The following FNDC3A variants were observed in gnomAD, a reference collection of about 807,000 sequenced individuals.
The protein encoded by FNDC3A is fibronectin type-III domain-containing protein 3A.
FNDC3A carries 32 observed loss-of-function variants against 148.9 expected under a neutral mutation model. The ratio of observed to expected loss-of-function variants is 0.21; its 90% CI spans 0.16 to 0.29. The LOEUF (loss-of-function observed/expected upper bound fraction) is 0.29. Ranked by LOEUF, FNDC3A falls within the 10% of genes least tolerant of loss-of-function variation. The pLI, the probability that FNDC3A is intolerant of heterozygous loss-of-function variation, is 1.00. For synonymous variants in FNDC3A, 472 were observed against 473.6 expected (o/e 1.00, Z 0.04); for missense variants, 1,191 against 1,452.8 (o/e 0.82, Z 2.93).
intron 2 of FNDC3A, among the ~76,000 whole-genome samples, chr13:49,018,563 C>T (rs1359665441): frequency 1.3e-5 from 2 of 152,288 alleles, no homozygotes; most frequent in Non-Finnish European, 2.9e-5. Flanking sequence ...TCCCGTAGCT[C>T]GGAATAATTT....
At chr13:49,125,219 A>G (rs983242963) in intron 4 of FNDC3A, among the ~76,000 whole-genome samples, 5 of 152,166 alleles carry the variant, frequency 3.3e-5, no homozygotes, top group African/African-American at 1.2e-4. Flanking sequence ...CTGATCTCAG[A>G]CTTCTTGCTG....
intron 1 of FNDC3A, among the ~76,000 whole-genome samples, chr13:48,981,556 T>C (rs192799615): frequency 2.3e-4 from 35 of 152,066 alleles, no homozygotes; most frequent in Admixed American, 8.5e-4. Context: ...CCAGTAAACA[T>C]TCAGTTGAGC....
At position 49,075,097 on chromosome 13, in the gene FNDC3A, T is replaced by A. The variant is rs540530000; in HGVS notation, c.100-192T>A. Among the ~76,000 whole-genome samples, 8 of 152,310 alleles carry A rather than the reference T, an allele frequency of 5.3e-5. No individual in the cohort carries two copies. The South Asian group carries it at 1.4e-3, about 28-fold the overall frequency. ...TTCTTCTTTTTTTTATTCCCTTTAC[T>A]TTTGGCTTACGTCTAACCTCCAGAA... On this transcript the variant is annotated intron_variant, in intron 2 of 25. Transcript: ENST00000492622.
At chr13:49,150,517 C>G (rs1466372611) in intron 8 of FNDC3A, among the ~76,000 whole-genome samples, 1 of 151,834 alleles carries the variant, frequency 6.6e-6, no homozygotes. Context: ...TAATTTGTCC[C>G]TCTACCAGTG....
intron 1 of FNDC3A, among the ~76,000 whole-genome samples, chr13:48,991,910 A>G (rs1425159548): frequency 1.3e-5 from 2 of 152,226 alleles, no homozygotes; most frequent in African/African-American, 2.4e-5. Context: ...ACATTATCAT[A>G]TGGTTGATGA....
intron 3 of FNDC3A, among the ~76,000 whole-genome samples, chr13:49,090,659 CTT>C (rs1879128636): frequency 6.6e-6 from 1 of 151,318 alleles, no homozygotes; most frequent in Non-Finnish European, 1.5e-5. Flanking sequence ...TTATCCCCCA[CTT>C]TGTTTTCCCC....
At chr13:49,037,924 G>A (rs1045709937) in intron 2 of FNDC3A, among the ~76,000 whole-genome samples, 1 of 152,162 alleles carries the variant, frequency 6.6e-6, no homozygotes, top group Non-Finnish European at 1.5e-5. Flanking sequence ...GTGCCTTCTT[G>A]GCACCCAGGT....
At chr13:49,020,497 G>T (rs1339588576) in intron 2 of FNDC3A, among the ~76,000 whole-genome samples, 1 of 152,184 alleles carries the variant, frequency 6.6e-6, no homozygotes, top group East Asian at 1.9e-4. Flanking sequence ...AAGGTTTATT[G>T]CTCATACTGC....
intron 1 of FNDC3A, among the ~76,000 whole-genome samples, chr13:48,992,950 A>C: frequency 6.6e-6 from 1 of 152,178 alleles, no homozygotes; most frequent in Non-Finnish European, 1.5e-5. Flanking sequence ...GGAGTATTTG[A>C]AAGTTTCAAC....
chr13:49,005,417 A>G (rs910028730), intron 1 of FNDC3A, among the ~76,000 whole-genome samples: 22 of 151,950 alleles, frequency 1.4e-4, no homozygotes, highest in African/African-American at 5.3e-4. Flanking sequence ...TGTATATGAT[A>G]GACTAATATT....
chr13:49,190,219 A>G (rs1885814980), intron 17 of FNDC3A, among the ~76,000 whole-genome samples: 1 of 152,200 alleles, frequency 6.6e-6, no homozygotes, highest in Non-Finnish European at 1.5e-5. Flanking sequence ...AGTGTCTTTA[A>G]AAATAAAGGC....
intron 1 of FNDC3A, among the ~76,000 whole-genome samples, chr13:48,997,424 T>C (rs527798859): frequency 6.9e-4 from 105 of 152,326 alleles, no homozygotes; most frequent in African/African-American, 2.3e-3. Flanking sequence ...GATAGTGTTA[T>C]GGACTGAATG....
At chr13:49,071,545 T>A (rs149583187) in intron 2 of FNDC3A, among the ~76,000 whole-genome samples, 98 of 152,302 alleles carry the variant, frequency 6.4e-4, no homozygotes, top group African/African-American at 2.0e-3. Flanking sequence ...TCTGTTATTT[T>A]TTTGACATTT....
At chr13:49,193,717 C>T (rs186587970) in intron 19 of FNDC3A, among the ~76,000 whole-genome samples, 1 of 152,048 alleles carries the variant, frequency 6.6e-6, no homozygotes, top group African/African-American at 2.4e-5. Context: ...GTCAGGAGTT[C>T]GAGACCAGCC....
chr13:49,133,884 C>G (rs569005375), intron 5 of FNDC3A, among the ~76,000 whole-genome samples: 1 of 152,102 alleles, frequency 6.6e-6, no homozygotes, highest in Non-Finnish European at 1.5e-5. Context: ...ATTCTTTTTT[C>G]TCTTCCATGG....
chr13:49,033,525 A>G (rs1259683944), intron 2 of FNDC3A, among the ~76,000 whole-genome samples: 3 of 152,182 alleles, frequency 2.0e-5, no homozygotes, highest in Admixed American at 1.3e-4. Flanking sequence ...CCAACTTGCC[A>G]GTGAAAATTA....
intron 1 of FNDC3A, among the ~76,000 whole-genome samples, chr13:48,988,759 G>T (rs937555161): frequency 6.6e-6 from 1 of 151,686 alleles, no homozygotes; most frequent in African/African-American, 2.4e-5. Context: ...GCTGAGGTGG[G>T]AGAATTGCTT....
intron 23 of FNDC3A, among the ~76,000 whole-genome samples, chr13:49,198,814 A>G (rs1886284896): frequency 6.6e-6 from 1 of 152,184 alleles, no homozygotes; most frequent in African/African-American, 2.4e-5. Context: ...CGAAGTCAAG[A>G]TTGTCATACA....
At chr13:49,021,664 C>T (rs1873335798) in intron 2 of FNDC3A, among the ~76,000 whole-genome samples, 1 of 152,190 alleles carries the variant, frequency 6.6e-6, no homozygotes, top group Admixed American at 6.5e-5. Flanking sequence ...CCTGAACATA[C>T]TGTTGCAAGC....
Sources: allele counts gnomAD v4.1 joint callset (sites outside exome capture counted in the v4.1 genomes callset), GRCh38; gene constraint gnomAD v4.1.1; transcripts MANE v1.5; gene names NCBI Gene and HGNC (gene_info 2026-07-23, HGNC 2026-07-21).